PRKN: variants seen among roughly 807,000 people sequenced by gnomAD.
The protein encoded by PRKN is E3 ubiquitin-protein ligase parkin.
A neutral mutation model predicts 59.5 loss-of-function variants in PRKN; 56 were observed. That is an observed-to-expected ratio of 0.94 (90% CI 0.76 to 1.18). The LOEUF (loss-of-function observed/expected upper bound fraction) is 1.18. Ranked by LOEUF, PRKN falls within the 50% of genes most tolerant of loss-of-function variation. The pLI is 0.00. For synonymous variants in PRKN, 250 were observed against 222.1 expected (o/e 1.13, Z -1.12); for missense variants, 657 against 596.4 (o/e 1.10, Z -1.06).
chr6:162,325,130 CT>C (rs1274462822), intron 2 of PRKN, among the ~76,000 whole-genome samples: 7 of 72,326 alleles, frequency 9.7e-5, no homozygotes, highest in Middle Eastern at 8.8e-3. Flanking sequence ...TTTTCAACAA[CT>C]TTATTAGTGC....
At chr6:161,750,921 T>G (rs1203482200) in intron 7 of PRKN, among the ~76,000 whole-genome samples, 1 of 152,138 alleles carries the variant, frequency 6.6e-6, no homozygotes, top group African/African-American at 2.4e-5. Context: ...GAATGCAATA[T>G]ATTTCACTAG....
chr6:162,678,722 A>G (rs971963670), intron 1 of PRKN, among the ~76,000 whole-genome samples: 1 of 152,150 alleles, frequency 6.6e-6, no homozygotes, highest in Non-Finnish European at 1.5e-5. Flanking sequence ...TAATTTGCAA[A>G]TATGTTTCTC....
intron 1 of PRKN, among the ~76,000 whole-genome samples, chr6:162,507,138 A>C (rs1295831942): frequency 6.6e-6 from 1 of 152,096 alleles, no homozygotes; most frequent in East Asian, 1.9e-4. Context: ...AAATATACTG[A>C]ATTTCCATCC....
intron 1 of PRKN, among the ~76,000 whole-genome samples, chr6:162,614,041 A>C (rs917449495): frequency 1.3e-5 from 2 of 152,324 alleles, no homozygotes; most frequent in Admixed American, 6.5e-5. Flanking sequence ...CAATTATTTA[A>C]GAATTCTGAT....
At chr6:162,312,075 A>G (rs1284852435) in intron 2 of PRKN, among the ~76,000 whole-genome samples, 1 of 152,058 alleles carries the variant, frequency 6.6e-6, no homozygotes, top group Non-Finnish European at 1.5e-5. Context: ...CGGCATGTAA[A>G]TAACTGCTTG....
At chr6:161,517,837 A>G (rs1175717178) in intron 9 of PRKN, among the ~76,000 whole-genome samples, 3 of 151,746 alleles carry the variant, frequency 2.0e-5, no homozygotes, top group Non-Finnish European at 2.9e-5. Context: ...AGCAAAGTCA[A>G]TTTCCTGGTT....
chr6:162,014,965 A>G (rs545708372), intron 5 of PRKN, among the ~76,000 whole-genome samples: 35 of 152,296 alleles, frequency 2.3e-4, no homozygotes, highest in African/African-American at 8.2e-4. Flanking sequence ...TTTTTCAATA[A>G]CAATTACTTT....
At chr6:162,572,258 T>C (rs926658073) in intron 1 of PRKN, among the ~76,000 whole-genome samples, 3 of 152,196 alleles carry the variant, frequency 2.0e-5, no homozygotes, top group Non-Finnish European at 2.9e-5. Context: ...TACTATGATC[T>C]CCTGCATAAT....
At chr6:161,871,676 T>C (rs1794347281) in intron 6 of PRKN, among the ~76,000 whole-genome samples, 2 of 152,150 alleles carry the variant, frequency 1.3e-5, no homozygotes, top group African/African-American at 2.4e-5. Flanking sequence ...AAACATAAGT[T>C]GTACATGTGA....
chr6:162,043,574 CA>C (rs1248313711), intron 5 of PRKN, among the ~76,000 whole-genome samples: 1 of 152,192 alleles, frequency 6.6e-6, no homozygotes, highest in Non-Finnish European at 1.5e-5. Flanking sequence ...GACAGAATCC[CA>C]AACTCTCAAT....
chr6:162,424,439 G>A (rs901389988), intron 2 of PRKN, among the ~76,000 whole-genome samples: 1 of 152,082 alleles, frequency 6.6e-6, no homozygotes, highest in Non-Finnish European at 1.5e-5. Context: ...TGTAAGAAAC[G>A]TACCACTGGG....
intron 5 of PRKN, among the ~76,000 whole-genome samples, chr6:162,048,968 C>T (rs192550485): frequency 6.6e-5 from 10 of 152,182 alleles, no homozygotes; most frequent in African/African-American, 1.7e-4. Flanking sequence ...AGCATATATC[C>T]TTTGAGCTGA....
At chr6:162,510,467 T>TA (rs1349216415) in intron 1 of PRKN, among the ~76,000 whole-genome samples, 2 of 152,164 alleles carry the variant, frequency 1.3e-5, no homozygotes, top group Non-Finnish European at 2.9e-5. Flanking sequence ...AGCCCTTGTT[T>TA]AGTGGCCTCC....
chr6:162,692,333 C>A (rs749429633), intron 1 of PRKN, among the ~76,000 whole-genome samples: 1 of 152,264 alleles, frequency 6.6e-6, no homozygotes, highest in African/African-American at 2.4e-5. Flanking sequence ...TCTTGACAAG[C>A]TCCTGGGATA....
intron 4 of PRKN, among the ~76,000 whole-genome samples, chr6:162,199,052 G>A (rs747995201): frequency 1.3e-5 from 2 of 151,906 alleles, no homozygotes; most frequent in Non-Finnish European, 2.9e-5. Context: ...CTCACCTCTT[G>A]CCAGCAACTG....
chr6:162,326,275 T>C (rs1322324688), intron 2 of PRKN, among the ~76,000 whole-genome samples: 1 of 152,160 alleles, frequency 6.6e-6, no homozygotes. Context: ...ATATTCAGCG[T>C]TCCCAGGGAT....
Position 161,350,200 on chromosome 6 carries a change from G to T in PRKN, c.1297C>A (p.His433Asn). Residue 433 changes from histidine to asparagine, a missense_variant, in exon 12 of 12, where the codon CAC becomes AAC. Coordinates refer to ENST00000366898, the MANE Select transcript of PRKN (RefSeq NM_004562.3). Reference protein sequence around the residue: ...VPVEKNGGCMHMKCPQPQCRL... With the variant: ...VPVEKNGGCMNMKCPQPQCRL... ...CACTGGGGCTGCGGACACTTCATGT[G>T]CATGCAGCCTCCTGTTGGGGGCAGA... 2 of 1,612,892 alleles carry T rather than the reference G, an allele frequency of 1.2e-6. No homozygotes were observed. Among genetic ancestry groups the T allele is most frequent in the Non-Finnish European group, 1.7e-6 (2 of 1,179,350 alleles).
intron 3 of PRKN, among the ~76,000 whole-genome samples, chr6:162,257,992 G>C (rs899802897): frequency 6.6e-6 from 1 of 152,064 alleles, no homozygotes; most frequent in African/African-American, 2.4e-5. Context: ...CCTGCTCCAA[G>C]CTCCACCCCA....
chr6:162,205,508 T>A lies in PRKN; in HGVS notation c.413-4256A>T, dbSNP rs576733016. Among the ~76,000 whole-genome samples the A allele has an allele frequency of 4.1e-3, 631 of 152,264 alleles. 4 individuals carry two copies. Among genetic ancestry groups the A allele is most frequent in the Non-Finnish European group, 7.0e-3 (473 of 68,010 alleles). On this transcript the variant is annotated intron_variant, in intron 3 of 11. Coordinates refer to ENST00000366898, the MANE Select transcript of PRKN (RefSeq NM_004562.3). ...GTCACTGAGAATTTAATTGCTGGGA[T>A]AATTTGTTTTCTAGGTGGGGAGAGA...
Sources: allele counts gnomAD v4.1 joint callset (sites outside exome capture counted in the v4.1 genomes callset), GRCh38; gene constraint gnomAD v4.1.1; transcripts MANE v1.5; gene names NCBI Gene and HGNC (gene_info 2026-07-23, HGNC 2026-07-21).